Variants in TCHP observed in about 807,000 individuals in gnomAD.
The protein encoded by TCHP is trichoplein keratin filament-binding protein.
A neutral mutation model predicts 88.7 loss-of-function variants in TCHP; 81 were observed. The observed-to-expected ratio is 0.91, with a 90% CI of 0.76 to 1.10. The LOEUF is 1.10. Ranked by LOEUF, TCHP falls within the 50% of genes least tolerant of loss-of-function variation. The pLI is 0.00. For missense variants in TCHP, 641 were observed against 632.1 expected (o/e 1.01, Z -0.15); for synonymous variants, 232 against 232.5 (o/e 1.00, Z 0.02).
the TCHP span, among the ~76,000 whole-genome samples, chr12:109,892,509 G>A: frequency 2.0e-5 from 3 of 152,204 alleles, no homozygotes; most frequent in African/African-American, 7.2e-5. Flanking sequence ...GAAGGTTCAA[G>A]GCTGAGAAGA....
At chr12:109,884,015 G>A in the TCHP span, among the ~76,000 whole-genome samples, 1 of 152,076 alleles carries the variant, frequency 6.6e-6, no homozygotes, top group East Asian at 1.9e-4. Flanking sequence ...GAGAACTGGG[G>A]GCCACATAGC....
At chr12:109,900,884 G>T (rs1204811407) in intron 1 of TCHP, 1 of 152,266 alleles carries the variant, frequency 6.6e-6, no homozygotes, top group African/African-American at 2.4e-5. Context: ...CGCTCATTCA[G>T]CCGGCGTTCC....
At chr12:109,893,566 C>A in the TCHP span, among the ~76,000 whole-genome samples, 2 of 152,020 alleles carry the variant, frequency 1.3e-5, no homozygotes, top group Non-Finnish European at 2.9e-5. Context: ...GTCCCATGAC[C>A]CATGACCAGG....
chr12:109,901,268 T>A (rs1195254198), intron 1 of TCHP, among the ~76,000 whole-genome samples: 1 of 152,254 alleles, frequency 6.6e-6, no homozygotes, highest in Non-Finnish European at 1.5e-5. Context: ...CAAATCACTT[T>A]GTAATGCTTA....
the TCHP span, among the ~76,000 whole-genome samples, chr12:109,888,666 C>T: frequency 6.6e-6 from 1 of 152,190 alleles, no homozygotes; most frequent in South Asian, 2.1e-4. Flanking sequence ...TTTATTGCAG[C>T]ATAGTAATAA....
At chr12:109,884,022 T>G in the TCHP span, among the ~76,000 whole-genome samples, 1 of 152,096 alleles carries the variant, frequency 6.6e-6, no homozygotes, top group East Asian at 1.9e-4. Context: ...GGGGGCCACA[T>G]AGCCCATCAA....
At chr12:109,910,880 C>T (rs532793255) in intron 8 of TCHP, among the ~76,000 whole-genome samples, 183 bp from the exon 9 acceptor site, 63 of 152,324 alleles carry the variant, frequency 4.1e-4, no homozygotes, top group African/African-American at 1.5e-3. Context: ...TGAACCACCC[C>T]TCGTGATTAT....
At position 109,915,586 on chromosome 12, in the gene TCHP, C is replaced by G. The variant is rs374741866; in HGVS notation, c.1464+40C>G. The G allele has an allele frequency of 5.1e-6, 8 of 1,573,854 alleles. No individual in the cohort carries two copies. The African/African-American group carries it at 1.1e-4, about 21-fold the overall frequency. On this transcript the variant is annotated intron_variant, in intron 12 of 12. Coordinates refer to ENST00000405876, the MANE Select transcript of TCHP (RefSeq NM_001143852.2). The stretch of plus-strand genomic sequence containing the variant: ...AGGATATAGGCCAACACCGGCAAGA[C>G]AGACTCTGCCCGGCCCCTGCTCCCC...
rs1243163341 is a variant in TCHP at position 109,903,982 on chromosome 12, G to C, written c.234G>C (p.Arg78Ser). Residue 78 changes from arginine to serine, a missense_variant, in exon 3 of 13, where the codon AGG becomes AGC. By Grantham distance (110) the Arg-to-Ser change is moderately radical (BLOSUM62 -1). Coordinates refer to ENST00000405876, the MANE Select transcript of TCHP (RefSeq NM_001143852.2). This position sits in a 1 kb window ranked among gnomAD's most constrained non-coding sequence, Gnocchi z 4.6. ...AGAAGATGAAGGAGGAGAAGAGGAG[G>C]AGTCTGGAGGCCCGACGGGAAAAGC... is the stretch of plus-strand genomic sequence containing the variant. ...QREKMKEEKR[R>S]SLEARREKLR... The C allele has an allele frequency of 8.1e-6, 13 of 1,611,282 alleles. No homozygotes were observed. Among genetic ancestry groups the C allele is most frequent in the Non-Finnish European group, 9.3e-6 (11 of 1,179,026 alleles).
the TCHP span, among the ~76,000 whole-genome samples, chr12:109,889,931 C>T: frequency 4.6e-5 from 7 of 152,316 alleles, no homozygotes; most frequent in South Asian, 1.5e-3. Context: ...TCTTGGGGCC[C>T]GTCTGCCGCC....
At chr12:109,895,411 G>T (rs780530202), upstream of TCHP, among the ~76,000 whole-genome samples, 12 of 151,512 alleles carry the variant, frequency 7.9e-5, no homozygotes, top group African/African-American at 2.9e-4. Context: ...TGGGGTGGGG[G>T]GTCTCTCTAT....
chr12:109,904,274 G>C (rs1869997593), intron 3 of TCHP, 127 bp downstream of exon 3: 2 of 811,368 alleles, frequency 2.5e-6, no homozygotes, highest in Non-Finnish European at 3.9e-6. Flanking sequence ...AGAGCCAGCA[G>C]GAAAAGAGCT....
intron 9 of TCHP, among the ~76,000 whole-genome samples, 192 bp from the exon 10 acceptor site, chr12:109,912,799 A>G (rs1051687697): frequency 6.6e-6 from 1 of 152,216 alleles, no homozygotes; most frequent in Non-Finnish European, 1.5e-5. Flanking sequence ...CAAAAATAAA[A>G]AAAATGAAAA....
chr12:109,895,013 G>T, the TCHP span, among the ~76,000 whole-genome samples: 1 of 152,032 alleles, frequency 6.6e-6, no homozygotes, highest in African/African-American at 2.4e-5. Context: ...GCATAAGACA[G>T]ATACCTGGGT....
intron 9 of TCHP, among the ~76,000 whole-genome samples, chr12:109,911,474 G>A (rs1212867257): frequency 6.6e-6 from 1 of 152,044 alleles, no homozygotes; most frequent in South Asian, 2.1e-4. Flanking sequence ...TTGGCCAGGC[G>A]TGGTTGTTCA....
Position 109,915,411 on chromosome 12 carries a change from G to A in TCHP, c.1329G>A (p.Glu443=). The change falls in exon 12 of 13, where the codon GAG becomes GAA. Residue 443 remains glutamate (E), a synonymous_variant. Transcript: ENST00000405876. Reference sequence around the variant, plus strand: ...TTGCTCTTGGCACTCAGGTTGCAGAGCGCCGGCTGCAGGCATGGGAAGCAG... The same window carrying A: ...TTGCTCTTGGCACTCAGGTTGCAGAACGCCGGCTGCAGGCATGGGAAGCAG... ...RKQELEAQVA[E]RRLQAWEADQ... 3.1e-6 allele frequency: 5 copies of A among 1,614,186 alleles called. No homozygotes were observed. Among genetic ancestry groups the A allele is most frequent in the Non-Finnish European group, 4.2e-6 (5 of 1,180,036 alleles).
the TCHP span, among the ~76,000 whole-genome samples, chr12:109,883,861 C>A: frequency 1.3e-5 from 2 of 152,164 alleles, no homozygotes; most frequent in Non-Finnish European, 2.9e-5. Context: ...ATTCATCTAC[C>A]CCTTCATCAA....
At chr12:109,910,312 T>C (rs1004133111) in intron 8 of TCHP, among the ~76,000 whole-genome samples, 5 of 152,176 alleles carry the variant, frequency 3.3e-5, no homozygotes, top group African/African-American at 1.2e-4. Flanking sequence ...AGTGGCATGG[T>C]TGGTCCTGGT....
chr12:109,911,553 G>A (rs976060415), intron 9 of TCHP, among the ~76,000 whole-genome samples: 2 of 142,282 alleles, frequency 1.4e-5, no homozygotes, highest in East Asian at 2.1e-4. Flanking sequence ...TTGGGGCTCC[G>A]ATTAGCCATG....
Sources: allele counts gnomAD v4.1 joint callset (sites outside exome capture counted in the v4.1 genomes callset), GRCh38; gene constraint gnomAD v4.1.1; non-coding constraint Gnocchi (gnomAD v3.1); transcripts MANE v1.5; gene names NCBI Gene and HGNC (gene_info 2026-07-23, HGNC 2026-07-21).